Variants in FAM222B observed in about 807,000 individuals in gnomAD.
FAM222B encodes protein FAM222B.
A neutral mutation model predicts 38.0 loss-of-function variants in FAM222B; 12 were observed. That is an observed-to-expected ratio of 0.32 (90% CI 0.20 to 0.51). The LOEUF is 0.51. FAM222B is among the 20% of genes least tolerant of loss of function. The pLI, the probability that FAM222B is intolerant of heterozygous loss-of-function variation, is 0.97. For synonymous variants in FAM222B, 329 were observed against 317.2 expected (o/e 1.04, Z -0.40); for missense variants, 716 against 754.2 (o/e 0.95, Z 0.59).
chr17:28,846,085 C>A (rs1453841628), upstream of FAM222B, among the ~76,000 whole-genome samples: 1 of 151,750 alleles, frequency 6.6e-6, no homozygotes, highest in African/African-American at 2.4e-5. Flanking sequence ...CGCCTGTAGT[C>A]CCAGGTACAC....
At chr17:28,839,302 T>C (rs558983742) in intron 1 of FAM222B, among the ~76,000 whole-genome samples, 1 of 152,236 alleles carries the variant, frequency 6.6e-6, no homozygotes, top group South Asian at 2.1e-4. Context: ...TCTCCAAAGT[T>C]CCTCTCCCAC....
intron 1 of FAM222B, among the ~76,000 whole-genome samples, chr17:28,815,966 C>CAAA (rs1204670643): frequency 4.0e-5 from 3 of 74,936 alleles, no homozygotes; most frequent in East Asian, 7.3e-4. Flanking sequence ...GACTCCGTCT[C>CAAA]AAAAAAAAAA....
chr17:28,828,245 GGTA>G (rs751954625), intron 1 of FAM222B, among the ~76,000 whole-genome samples: 2 of 151,134 alleles, frequency 1.3e-5, no homozygotes, highest in Non-Finnish European at 1.5e-5. Context: ...TGAGTAGCTA[GGTA>G]AGAGGGAAAC....
At chr17:28,770,574 T>A (rs74497481) in intron 1 of FAM222B, among the ~76,000 whole-genome samples, 1 of 149,892 alleles carries the variant, frequency 6.7e-6, no homozygotes. Flanking sequence ...AGCTAATATT[T>A]TTTTTTTTTT....
chr17:28,788,243 TTTTG>T (rs1156466206), intron 1 of FAM222B, among the ~76,000 whole-genome samples: 3 of 152,154 alleles, frequency 2.0e-5, no homozygotes, highest in African/African-American at 4.8e-5. Flanking sequence ...AGAATTGCTT[TTTTG>T]TTTGTTTTTG....
At chr17:28,769,857 GC>G (rs1466472505) in intron 1 of FAM222B, among the ~76,000 whole-genome samples, 1 of 152,064 alleles carries the variant, frequency 6.6e-6, no homozygotes, top group Non-Finnish European at 1.5e-5. Flanking sequence ...CATTCCCTCT[GC>G]CTGGAATGTT....
chr17:28,814,994 G>A (rs138331528), intron 1 of FAM222B, among the ~76,000 whole-genome samples: 1 of 149,782 alleles, frequency 6.7e-6, no homozygotes, highest in African/African-American at 2.5e-5. Context: ...GGCTGATCTC[G>A]AACTCCAGAC....
intron 1 of FAM222B, among the ~76,000 whole-genome samples, chr17:28,840,864 G>A (rs2039013324): frequency 5.3e-5 from 8 of 152,022 alleles, no homozygotes; most frequent in Admixed American, 5.2e-4. Context: ...GGGAGGCTGA[G>A]GCAGGAGAAT....
chr17:28,832,310 G>T (rs992172435), intron 1 of FAM222B, among the ~76,000 whole-genome samples: 1 of 152,186 alleles, frequency 6.6e-6, no homozygotes, highest in African/African-American at 2.4e-5. Flanking sequence ...GCTGTTCTGA[G>T]ATTTCCTGCA....
upstream of FAM222B, among the ~76,000 whole-genome samples, chr17:28,847,223 GAAAAAA>G (rs150303077): frequency 7.0e-6 from 1 of 142,274 alleles, no homozygotes; most frequent in Non-Finnish European, 1.5e-5. Context: ...CGTCTCAAAA[GAAAAAA>G]AAAAGAAAAA....
chr17:28,773,323 A>C (rs2035727274), intron 1 of FAM222B, among the ~76,000 whole-genome samples: 1 of 151,752 alleles, frequency 6.6e-6, no homozygotes, highest in African/African-American at 2.4e-5. Flanking sequence ...CTAAAAAAAA[A>C]TACAAAAAAT....
upstream of FAM222B, among the ~76,000 whole-genome samples, chr17:28,847,393 G>C (rs1006000956): frequency 1.3e-5 from 2 of 151,664 alleles, no homozygotes; most frequent in Non-Finnish European, 2.9e-5. Context: ...AGGAGTTCGA[G>C]GCCAGTTTGG....
At chr17:28,803,456 T>G (rs897010298) in intron 1 of FAM222B, among the ~76,000 whole-genome samples, 17 of 151,642 alleles carry the variant, frequency 1.1e-4, no homozygotes, top group African/African-American at 3.6e-4. Flanking sequence ...CAGGCACACA[T>G]CACCACACCC....
intron 1 of FAM222B, among the ~76,000 whole-genome samples, chr17:28,823,160 A>C (rs1391319988): frequency 6.6e-6 from 1 of 151,950 alleles, no homozygotes; most frequent in Admixed American, 6.6e-5. Flanking sequence ...ACCTGTTACC[A>C]AACAAAAACA....
chr17:28,784,012 C>G (rs2036281576), intron 1 of FAM222B, among the ~76,000 whole-genome samples: 1 of 151,972 alleles, frequency 6.6e-6, no homozygotes, highest in South Asian at 2.1e-4. Flanking sequence ...GTTGGCCAGG[C>G]TGGTCTCGAA....
chr17:28,763,693 T>G (rs2035191132), intron 2 of FAM222B, among the ~76,000 whole-genome samples: 1 of 152,184 alleles, frequency 6.6e-6, no homozygotes, highest in Non-Finnish European at 1.5e-5. Flanking sequence ...CACTGGCAAG[T>G]GACAAACCCT....
chr17:28,794,189 T>C (rs1421314169), intron 1 of FAM222B, among the ~76,000 whole-genome samples: 1 of 149,950 alleles, frequency 6.7e-6, no homozygotes, highest in Non-Finnish European at 1.5e-5. Context: ...GCAAATCTAA[T>C]AACAGCACCA....
At chr17:28,788,929 T>A (rs554225114) in intron 1 of FAM222B, among the ~76,000 whole-genome samples, 1 of 151,522 alleles carries the variant, frequency 6.6e-6, no homozygotes, top group Admixed American at 6.6e-5. Context: ...TTTAGTTTAG[T>A]AGAGATGGGG....
At chr17:28,832,262 A>T (rs567509916) in intron 1 of FAM222B, among the ~76,000 whole-genome samples, 2 of 152,208 alleles carry the variant, frequency 1.3e-5, no homozygotes, top group African/African-American at 4.8e-5. Flanking sequence ...TAGAAATCTA[A>T]TATCTATTTT....
Sources: allele counts gnomAD v4.1 joint callset (sites outside exome capture counted in the v4.1 genomes callset), GRCh38; gene constraint gnomAD v4.1.1; transcripts MANE v1.5; gene names NCBI Gene and HGNC (gene_info 2026-07-23, HGNC 2026-07-21).